Variants in MGAM observed in about 807,000 individuals in gnomAD.
MGAM encodes maltase-glucoamylase.
A neutral mutation model predicts 358.8 loss-of-function variants in MGAM; 253 were observed. That is an observed-to-expected ratio of 0.71 (90% CI 0.64 to 0.78). The LOEUF is 0.78. Among genes scored for constraint, MGAM ranks in the 30% least tolerant of loss-of-function variants. The pLI is 0.00. For synonymous variants in MGAM, 1,105 were observed against 1,227.1 expected (o/e 0.90, Z 2.08); for missense variants, 3,080 against 3,432.6 (o/e 0.90, Z 2.57).
chr7:142,045,888 A>G (rs180832690), intron 21 of MGAM, among the ~76,000 whole-genome samples: 55 of 38,424 alleles, frequency 1.4e-3, no homozygotes, highest in Non-Finnish European at 2.8e-3. Flanking sequence ...TGTAATATAT[A>G]TATTATGTAT....
chr7:142,052,233 C>T lies in MGAM; in HGVS notation c.2806-61C>T, dbSNP rs1174542699. 11 of 1,394,732 alleles carry T rather than the reference C, an allele frequency of 7.9e-6. No individual in the cohort carries two copies. The Admixed American group carries it at 2.7e-4, about 34-fold the overall frequency. 86.4% of individuals were successfully genotyped at this position (1,394,732 alleles called of 1,614,324 possible). On this transcript the variant is annotated intron_variant, in intron 24 of 70. Transcript: ENST00000475668. ...TTTTTTTTTATCGAAAAAAAAACCTCAGGTCTTGCAAAGCCTGTCTCCTAA... is the reference window on the plus strand; with the variant it reads ...TTTTTTTTTATCGAAAAAAAAACCTTAGGTCTTGCAAAGCCTGTCTCCTAA...
At position 142,083,366 on chromosome 7, in the gene MGAM, G is replaced by T. The variant is rs765033956; in HGVS notation, c.6334G>T (p.Val2112Leu). Reference sequence around the variant, plus strand: ...CACAGGGGGAGTTCTGGACTTTTATGTGTTCTTGGGGCCAACTCCAGAGCT... The same window carrying T: ...CACAGGGGGAGTTCTGGACTTTTATTTGTTCTTGGGGCCAACTCCAGAGCT... ...RTTGGVLDFY[V>L]FLGPTPELVT... The change falls in exon 53 of 71, where the codon GTG (valine) becomes TTG (leucine). Residue 2112 changes from valine (V) to leucine (L), a missense_variant. By Grantham distance (32) the Val-to-Leu change is conservative. Transcript: ENST00000475668. The T allele has an allele frequency of 4.9e-5, 76 of 1,554,210 alleles. 13 individuals are homozygous for T. Among genetic ancestry groups the T allele is most frequent in the South Asian group, 1.0e-4 (9 of 88,840 alleles).
chr7:142,096,327 C>T lies in MGAM; in HGVS notation c.7608-4C>T, dbSNP rs749239690. On this transcript the variant is annotated splice_polypyrimidine_tract_variant and splice_region_variant and intron_variant, in intron 64 of 70. Transcript: ENST00000475668. ...CTGTTGGGCACCTTCATTTCCCTTT[C>T]CAGGTTTGTGTCAGACCAGGTGACA... 8.1e-6 allele frequency: 13 copies of T among 1,612,686 alleles called. No individual in the cohort carries two copies. Among genetic ancestry groups the T allele is most frequent in the South Asian group, 1.1e-5 (1 of 91,036 alleles).
intron 22 of MGAM, among the ~76,000 whole-genome samples, chr7:142,048,729 AAG>A (rs1015640081): frequency 1.3e-5 from 2 of 152,174 alleles, no homozygotes; most frequent in African/African-American, 4.8e-5. Flanking sequence ...TCCAGTAGGA[AAG>A]AGAAGGAAAA....
At chr7:142,064,207 A>T (rs1418380110) in intron 36 of MGAM, among the ~76,000 whole-genome samples, 177 bp from the exon 37 acceptor site, 2 of 152,190 alleles carry the variant, frequency 1.3e-5, no homozygotes, top group Admixed American at 6.5e-5. Flanking sequence ...TTGGAAACAC[A>T]GCAGGCGCCA....
At chr7:142,088,996 G>GTATGTATA (rs771119657) in intron 57 of MGAM, among the ~76,000 whole-genome samples, 8 of 117,968 alleles carry the variant, frequency 6.8e-5, no homozygotes, top group African/African-American at 2.0e-4. Flanking sequence ...ATGTATGTAT[G>GTATGTATA]TATCTATCTA....
chr7:142,088,355 A>G (rs1814942975), intron 57 of MGAM, among the ~76,000 whole-genome samples: 1 of 146,128 alleles, frequency 6.8e-6, no homozygotes, highest in Non-Finnish European at 1.5e-5. Flanking sequence ...AGAACGAGTC[A>G]GACTCAGTTC....
chr7:141,987,044 A>G lies in MGAM; in HGVS notation c.-2-18485A>G, dbSNP rs117496213. ...TGGTGGAGATATTTATTTATACTGG[A>G]CAATGGAGACGAAACACGAGCCTGT... On this transcript the variant is annotated intron_variant, in intron 2 of 5. Transcript: ENST00000465654. 7.3e-3 allele frequency among the ~76,000 whole-genome samples: 1,111 copies of G among 152,294 alleles called. 9 individuals carry two copies. Among genetic ancestry groups the G allele is most frequent in the South Asian group, 0.015 (73 of 4,820 alleles).
intron 63 of MGAM, 34 bp downstream of exon 63, chr7:142,094,897 T>G: frequency 1.3e-6 from 2 of 1,586,232 alleles, no homozygotes; most frequent in Non-Finnish European, 1.7e-6. Context: ...AGTGTTTCAC[T>G]TGAAACACAG....
chr7:142,042,985 T>C (rs1402649400), intron 21 of MGAM, among the ~76,000 whole-genome samples: 1 of 41,350 alleles, frequency 2.4e-5, no homozygotes, highest in Non-Finnish European at 4.6e-5. Context: ...ATATATATAT[T>C]ATATATACAT....
chr7:142,036,155 G>C lies in MGAM; in HGVS notation c.1960-14G>C, dbSNP rs782040675. The C allele has an allele frequency of 1.3e-6, 2 of 1,577,174 alleles. No individual in the cohort carries two copies. The highest frequency in any genetic ancestry group is 1.7e-6 in the Non-Finnish European group (2 of 1,152,264). Reference sequence around the variant, plus strand: ...AGGAAGTGAGGTATACCTGTTGTCTGTGTGTCCTTCCAGGTGGGTCCTGAC... The same window carrying C: ...AGGAAGTGAGGTATACCTGTTGTCTCTGTGTCCTTCCAGGTGGGTCCTGAC... On this transcript the variant is annotated splice_polypyrimidine_tract_variant and intron_variant, in intron 16 of 70. Transcript: ENST00000475668.
chr7:142,022,484 A>C, intron 7 of MGAM, 45 bp downstream of exon 7: 4 of 1,575,090 alleles, frequency 2.5e-6, no homozygotes, highest in Non-Finnish European at 3.5e-6. Context: ...TCATAGTCTC[A>C]TTCTTAAAGG....
At chr7:142,104,837 A>G (rs1816715910) in intron 70 of MGAM, among the ~76,000 whole-genome samples, 2 of 152,118 alleles carry the variant, frequency 1.3e-5, no homozygotes, top group Non-Finnish European at 2.9e-5. Flanking sequence ...TATCATCCCG[A>G]TGGTAAATGA....
intron 29 of MGAM, 56 bp from the exon 30 acceptor site, chr7:142,056,774 G>T: frequency 6.4e-7 from 1 of 1,551,318 alleles, no homozygotes; most frequent in Non-Finnish European, 8.8e-7. Context: ...GGATTTCAGG[G>T]GTGATTCGTG....
chr7:142,091,749 T>G (rs1200279827), intron 57 of MGAM, among the ~76,000 whole-genome samples, 164 bp from the exon 58 acceptor site: 1 of 146,636 alleles, frequency 6.8e-6, no homozygotes. Context: ...ATTTCTCCTC[T>G]CATTCTACAT....
intron 57 of MGAM, among the ~76,000 whole-genome samples, chr7:142,090,286 C>T (rs1471992627): frequency 7.5e-5 from 11 of 145,854 alleles, no homozygotes; most frequent in African/African-American, 2.2e-4. Flanking sequence ...AAGTTCACCA[C>T]GTGTACCCCA....
intron 2 of MGAM, among the ~76,000 whole-genome samples, chr7:142,006,350 G>A (rs1394612574): frequency 6.6e-6 from 1 of 152,120 alleles, no homozygotes; most frequent in Non-Finnish European, 1.5e-5. Context: ...CTTTGTGGTG[G>A]TGGAGAAGGA....
At position 142,094,390 on chromosome 7, in the gene MGAM, G is replaced by A. The variant is rs781033069; in HGVS notation, c.7199G>A (p.Arg2400Gln). 7 of 1,530,088 alleles carry A rather than the reference G, an allele frequency of 4.6e-6. No homozygotes were observed. Among genetic ancestry groups the A allele is most frequent in the African/African-American group, 2.7e-5 (2 of 73,944 alleles). 94.8% of individuals were successfully genotyped at this position (1,530,088 alleles called of 1,614,324 possible). Residue 2400 changes from arginine to glutamine, a missense_variant, in exon 61 of 71, where the codon CGA becomes CAA. This residue lies in a region of MGAM where 932 missense variants were observed against 1,198.2 expected (regional missense o/e 0.78). Coordinates refer to ENST00000475668, the MANE Select transcript of MGAM (RefSeq NM_001365693.1). ...GCCGTGCAGGAGGTGACAGGACAGC[G>A]AGGGGTCGTCATCACCCGCTCCACA... Reference protein sequence around the residue: ...YEAVQEVTGQRGVVITRSTFP... With the variant: ...YEAVQEVTGQQGVVITRSTFP...
In MGAM at chr7:142,011,842, A is replaced by C. The variant is rs544269060; in HGVS notation, c.327+3137A>C. ...GATTATGGGAATGGCAGAGGTGGCA[A>C]CTTTGTTTTAAAAAGTCTTTGCTGT... On this transcript the variant is annotated intron_variant, in intron 3 of 70. Coordinates refer to ENST00000475668, the MANE Select transcript of MGAM (RefSeq NM_001365693.1). 7.9e-5 allele frequency among the ~76,000 whole-genome samples: 12 copies of C among 152,258 alleles called. No homozygotes were observed. The South Asian group carries it at 2.5e-3, about 32-fold the overall frequency.
Sources: allele counts gnomAD v4.1 joint callset (sites outside exome capture counted in the v4.1 genomes callset), GRCh38; gene constraint gnomAD v4.1.1; regional missense constraint gnomAD v4.1.1; transcripts MANE v1.5; gene names NCBI Gene and HGNC (gene_info 2026-07-23, HGNC 2026-07-21).